The following RASA2 variants were observed in gnomAD, a reference collection of about 807,000 sequenced individuals.
The protein encoded by RASA2 is ras GTPase-activating protein 2.
A neutral mutation model predicts 118.2 loss-of-function variants in RASA2; 155 were observed. The ratio of observed to expected loss-of-function variants is 1.31; its 90% CI spans 1.15 to 1.50. RASA2 has a LOEUF of 1.50. Among genes scored for constraint, RASA2 ranks in the 40% most tolerant of loss-of-function variants. The pLI, the probability that RASA2 is intolerant of heterozygous loss-of-function variation, is 0.00. For synonymous variants in RASA2, 353 were observed against 349.1 expected (o/e 1.01, Z -0.12); for missense variants, 1,016 against 1,009.6 (o/e 1.01, Z -0.09).
intron 23 of RASA2, among the ~76,000 whole-genome samples, chr3:141,610,959 T>C (rs2083642389): frequency 6.6e-6 from 1 of 152,186 alleles, no homozygotes; most frequent in South Asian, 2.1e-4. Flanking sequence ...TATTTTATAG[T>C]TGATTTTTTG....
intron 7 of RASA2, among the ~76,000 whole-genome samples, chr3:141,556,853 C>A (rs574965488): frequency 6.6e-6 from 1 of 151,234 alleles, no homozygotes; most frequent in Non-Finnish European, 1.5e-5. Context: ...GAAGAAAATG[C>A]CAAAAGTGAA....
rs35556356 is a variant in RASA2, at chr3:141,520,647, CAT to C, written c.355+4225_355+4226del. ...ATACAGTTATATATAGTTACATACA[CAT>C]ATATATATGCACACACATATATACA... is the stretch of plus-strand genomic sequence containing the variant. On this transcript the variant is annotated intron_variant, in intron 3 of 23. Coordinates refer to ENST00000286364, the MANE Select transcript of RASA2 (RefSeq NM_006506.5). Among the ~76,000 whole-genome samples, 73 of 151,620 alleles carry C rather than the reference CAT, an allele frequency of 4.8e-4. No individual in the cohort carries two copies. The East Asian group carries it at 9.7e-3, about 20-fold the overall frequency.
Position 141,516,395 on chromosome 3 carries a change from T to C in RASA2, c.319T>C (p.Tyr107His). 1 of 1,561,412 alleles carries C rather than the reference T, an allele frequency of 6.4e-7. No individual in the cohort carries two copies. Among genetic ancestry groups the C allele is most frequent in the Non-Finnish European group, 8.7e-7 (1 of 1,154,540 alleles). ...TTTCCAGTATTTGTCTTTCTATGTT[T>C]ATGATAAGAATGTTTTACAAAGAGA... ...RTFQYLSFYV[Y>H]DKNVLQRDLR... is the part of the protein sequence containing the mutation. Residue 107 changes from tyrosine to histidine, a missense_variant, in exon 3 of 24, where the codon TAT becomes CAT. Coordinates refer to ENST00000286364, the MANE Select transcript of RASA2 (RefSeq NM_006506.5).
chr3:141,487,596 C>A (rs1490226161), intron 1 of RASA2, among the ~76,000 whole-genome samples: 1 of 151,858 alleles, frequency 6.6e-6, no homozygotes. Flanking sequence ...CAGACTCAGG[C>A]CTTCGCGCGG....
chr3:141,569,371 G>T (rs1210124865), intron 9 of RASA2, among the ~76,000 whole-genome samples: 2 of 151,860 alleles, frequency 1.3e-5, no homozygotes, highest in African/African-American at 4.8e-5. Context: ...ATATATTTTG[G>T]CTAAAGCCCA....
intron 5 of RASA2, among the ~76,000 whole-genome samples, chr3:141,551,936 G>T (rs1377796548): frequency 6.6e-6 from 1 of 152,034 alleles, no homozygotes; most frequent in Non-Finnish European, 1.5e-5. Flanking sequence ...CATGATTTAT[G>T]ATATGAAATT....
intron 9 of RASA2, among the ~76,000 whole-genome samples, chr3:141,562,723 A>C (rs1560034474): frequency 6.6e-6 from 1 of 151,356 alleles, no homozygotes; most frequent in East Asian, 1.9e-4. Context: ...TCCAGGCTGG[A>C]GTGCAGTAGC....
intron 1 of RASA2, among the ~76,000 whole-genome samples, chr3:141,502,852 A>G (rs1023768605): frequency 2.6e-5 from 4 of 152,086 alleles, no homozygotes; most frequent in African/African-American, 9.7e-5. Context: ...GTTGGCGCCT[A>G]CCCTTGTACT....
chr3:141,508,537 C>T (rs2151077791), intron 1 of RASA2, among the ~76,000 whole-genome samples: 1 of 152,212 alleles, frequency 6.6e-6, no homozygotes, highest in East Asian at 1.9e-4. Flanking sequence ...ACCACCACGC[C>T]TGGCTAATTT....
At chr3:141,598,768 C>A (rs2083415081) in intron 19 of RASA2, among the ~76,000 whole-genome samples, 1 of 152,006 alleles carries the variant, frequency 6.6e-6, no homozygotes, top group South Asian at 2.1e-4. Flanking sequence ...CCCAAAAAAA[C>A]CCTAAAATAC....
chr3:141,549,485 G>A (rs73238086), intron 5 of RASA2, among the ~76,000 whole-genome samples: 118 of 50,424 alleles, frequency 2.3e-3, no homozygotes, highest in Non-Finnish European at 4.3e-3. Context: ...GTGTGTGTGC[G>A]TGTGTGTGTG....
At chr3:141,504,201 C>A (rs1292517137) in intron 1 of RASA2, among the ~76,000 whole-genome samples, 1 of 152,150 alleles carries the variant, frequency 6.6e-6, no homozygotes, top group South Asian at 2.1e-4. Context: ...ATTAGAGAGC[C>A]CTGAGGCTCA....
At chr3:141,495,803 C>T (rs116449273) in intron 1 of RASA2, among the ~76,000 whole-genome samples, 116 of 152,150 alleles carry the variant, frequency 7.6e-4, no homozygotes, top group African/African-American at 2.7e-3. Flanking sequence ...TAATTGGAGA[C>T]GACTTAAATG....
At chr3:141,600,245 A>G (rs1055955241) in intron 19 of RASA2, 13 of 508,290 alleles carry the variant, frequency 2.6e-5, no homozygotes, top group Admixed American at 6.4e-5. Context: ...TGAAGGAAAG[A>G]AGGAGGACAC....
At chr3:141,606,113 G>A (rs78235216) in intron 19 of RASA2, among the ~76,000 whole-genome samples, 1 of 152,200 alleles carries the variant, frequency 6.6e-6, no homozygotes, top group East Asian at 1.9e-4. Flanking sequence ...ATGTCTGAGT[G>A]CCCCCAACCT....
At chr3:141,512,120 A>C (rs765680062) in intron 1 of RASA2, 43 bp from the exon 2 acceptor site, 1 of 1,316,766 alleles carries the variant, frequency 7.6e-7, no homozygotes, top group Admixed American at 1.8e-5. Context: ...AGTATGAAGC[A>C]GTTGATGATA....
At chr3:141,552,155 G>A (rs559572134) in intron 5 of RASA2, among the ~76,000 whole-genome samples, 7 of 152,224 alleles carry the variant, frequency 4.6e-5, no homozygotes, top group Non-Finnish European at 8.8e-5. Context: ...GTTTTGGTTT[G>A]TGGGTATTCT....
chr3:141,608,389 C>A, intron 20 of RASA2, 100 bp from the exon 21 acceptor site: 2 of 1,126,900 alleles, frequency 1.8e-6, no homozygotes, highest in Non-Finnish European at 2.6e-6. Context: ...AGTTATCTAG[C>A]CAAGCAACTA....
intron 5 of RASA2, among the ~76,000 whole-genome samples, chr3:141,544,805 G>A (rs960742084): frequency 5.3e-5 from 8 of 152,136 alleles, no homozygotes; most frequent in Admixed American, 6.6e-5. Flanking sequence ...AATACTAGCC[G>A]TAAAAAAGAA....
Sources: gnomAD v4.1 joint callset for allele counts (sites outside exome capture counted in the v4.1 genomes callset) on GRCh38, gnomAD v4.1.1 for gene constraint, MANE v1.5 for transcripts, NCBI Gene and HGNC (gene_info 2026-07-23, HGNC 2026-07-21) for gene names.